The following PGM3 variants were observed in gnomAD, a reference collection of about 807,000 sequenced individuals.
The protein encoded by PGM3 is phosphoacetylglucosamine mutase.
Under a neutral mutation model 66.2 loss-of-function variants are expected in PGM3, and 40 were observed. The observed-to-expected ratio is 0.60, with a 90% CI of 0.47 to 0.79. The LOEUF (loss-of-function observed/expected upper bound fraction) is 0.79, where lower values mean the gene tolerates loss of function less well. Ranked by LOEUF, PGM3 falls within the 30% of genes least tolerant of loss-of-function variation. The probability of loss-of-function intolerance (pLI) is 0.00; values close to 1 mark genes in which losing one functional copy is unlikely to be tolerated. For missense variants in PGM3, 537 were observed against 643.4 expected (o/e 0.83, Z 1.79); for synonymous variants, 191 against 224.2 (o/e 0.85, Z 1.32).
chr6:83,163,028 T>C (rs1784602197), downstream of PGM3: 2 of 1,304,104 alleles, frequency 1.5e-6, no homozygotes, highest in Non-Finnish European at 2.1e-6. Context: ...AGTTGAGCTA[T>C]TTTGAAAACA....
In PGM3 at chr6:83,179,894, A is replaced by T; in HGVS notation, c.861T>A (p.His287Gln). Residue 287 changes from histidine (H) to glutamine (Q), a missense_variant, in exon 7 of 13, where the codon CAT (histidine) becomes CAA (glutamine). Transcript: ENST00000513973. The stretch of plus-strand genomic sequence containing the variant: ...TGAGATGAAAGTGGCCATCTGCATC[A>T]TGGTAGTAATAAACAATTCTGTCTG... ...GDADRIVYYY[H>Q]DADGHFHLID... 1 of 1,612,808 alleles carries T rather than the reference A, an allele frequency of 6.2e-7. No homozygotes were observed. Among genetic ancestry groups the T allele is most frequent in the Non-Finnish European group, 8.5e-7 (1 of 1,178,922 alleles).
the PGM3 span, among the ~76,000 whole-genome samples, chr6:83,149,796 G>A: frequency 2.0e-5 from 3 of 152,112 alleles, no homozygotes; most frequent in African/African-American, 7.2e-5. Context: ...CAGCAAAGGA[G>A]ATAGAAAGGG....
the PGM3 span, chr6:83,153,485 A>G: frequency 9.4e-6 from 14 of 1,487,196 alleles, no homozygotes; most frequent in African/African-American, 1.6e-4. Context: ...CTCATATGTT[A>G]CTCTTCATTT....
chr6:83,174,143 AC>A (rs1244208303), intron 10 of PGM3, among the ~76,000 whole-genome samples: 5 of 152,316 alleles, frequency 3.3e-5, no homozygotes, highest in African/African-American at 1.2e-4. Context: ...GGTAGAAGCT[AC>A]CCAATATACT....
rs1054487973 is a variant in PGM3, at chr6:83,166,872, CAG to C, written c.*2360_*2361del. The C allele has an allele frequency of 1.7e-5, 17 of 993,656 alleles. No homozygotes were observed. The highest frequency in any genetic ancestry group is 2.0e-5 in the Non-Finnish European group (17 of 835,696). 61.6% of individuals were successfully genotyped at this position (993,656 alleles called of 1,614,324 possible). A position where few individuals can be genotyped will look rare whatever the true frequency, so the allele number is the denominator to read the frequency against. ...AGGCAAACTCCATTTGTTAATATGA[CAG>C]ATTGTAATTCTGCTTCCTAAGTCTT... is the stretch of plus-strand genomic sequence containing the variant. On this transcript the variant is annotated 3_prime_UTR_variant, in exon 13 of 13. Transcript: ENST00000513973.
intron 4 of PGM3, among the ~76,000 whole-genome samples, chr6:83,185,470 A>G (rs1788508462): frequency 6.6e-6 from 1 of 152,196 alleles, no homozygotes; most frequent in Non-Finnish European, 1.5e-5. Flanking sequence ...TGATGAATTA[A>G]CAAATGAATG....
Position 83,175,957 on chromosome 6 carries a change from C to A in PGM3, c.1128+5G>T. The stretch of plus-strand genomic sequence containing the variant: ...CTAAGGCCAACTATAATTAAGAGAA[C>A]TTACAGTGCCATGCCCATTTGCTTC... On this transcript the variant is annotated splice_donor_5th_base_variant and intron_variant, in intron 9 of 12. Transcript: ENST00000513973. The A allele has an allele frequency of 6.4e-7, 1 of 1,555,912 alleles. No individual in the cohort carries two copies. Among genetic ancestry groups the A allele is most frequent in the Non-Finnish European group, 8.9e-7 (1 of 1,127,010 alleles).
chr6:83,150,158 T>G, the PGM3 span, among the ~76,000 whole-genome samples: 3 of 152,144 alleles, frequency 2.0e-5, no homozygotes, highest in Admixed American at 6.5e-5. Context: ...GAGGACTGCT[T>G]GAGCCCAGAG....
rs768463282 is a variant in PGM3 at position 83,174,390 on chromosome 6, A to G, written c.1226T>C (p.Ile409Thr). ...RKAAKMLENI[I>T]DLFNQAAGDA... ...AGTTCTGACCTGGTTAAACAAGTCA[A>G]TAATGTTTTCAAGCATCTTAGCAGC... The change falls in exon 10 of 13, where the codon ATT (isoleucine) becomes ACT (threonine). Residue 409 changes from isoleucine to threonine, a missense_variant. By Grantham distance (89) the Ile-to-Thr change is moderately conservative. Transcript: ENST00000513973. The G allele has an allele frequency of 6.3e-7, 1 of 1,583,706 alleles. No individual in the cohort carries two copies. Among genetic ancestry groups the G allele is most frequent in the Non-Finnish European group, 8.7e-7 (1 of 1,154,422 alleles).
chr6:83,152,177 A>C, the PGM3 span: 1 of 772,274 alleles, frequency 1.3e-6, no homozygotes, highest in South Asian at 2.2e-5. Flanking sequence ...ATATATATAT[A>C]CATATACATA....
intron 9 of PGM3, among the ~76,000 whole-genome samples, chr6:83,174,984 A>G (rs1787647023): frequency 6.6e-6 from 1 of 152,238 alleles, no homozygotes. Flanking sequence ...ATTACAATAT[A>G]TAATTCATCA....
Position 83,174,420 on chromosome 6 carries a change from CTT to C in PGM3, c.1194_1195del (p.Arg399LysfsTer4), listed in dbSNP as rs1301217103. Reference sequence around the variant, plus strand: ...GTTTTCAAGCATCTTAGCAGCTTTTCTTTTCTTATCTTCCAGTTGTTCTGCTG... The same window carrying C: ...GTTTTCAAGCATCTTAGCAGCTTTTCTTCTTATCTTCCAGTTGTTCTGCTG... On this transcript the variant is annotated frameshift_variant, in exon 10 of 13. Transcript: ENST00000513973. LOFTEE classifies it high-confidence loss of function. 1 of 1,609,212 alleles carries C rather than the reference CTT, an allele frequency of 6.2e-7. No homozygotes were observed. Among genetic ancestry groups the C allele is most frequent in the South Asian group, 1.1e-5 (1 of 90,476 alleles).
chr6:83,166,700 A>G lies in PGM3; in HGVS notation c.*2534T>C. On this transcript the variant is annotated 3_prime_UTR_variant, in exon 13 of 13. Transcript: ENST00000513973. The stretch of plus-strand genomic sequence containing the variant: ...CACCAACCTAATATTTTCCTTTTTC[A>G]GGATTTTACTTTAAAATAAGCAATA... 8.1e-7 allele frequency: 1 copy of G among 1,233,088 alleles called. No individual in the cohort carries two copies. Among genetic ancestry groups the G allele is most frequent in the Non-Finnish European group, 1.0e-6 (1 of 987,936 alleles). The allele number at this position is 1,233,088 out of a possible 1,614,324, so 76.4% of individuals were successfully genotyped here.
chr6:83,174,299 C>T (rs1787584673), intron 10 of PGM3, 75 bp downstream of exon 10: 2 of 765,698 alleles, frequency 2.6e-6, no homozygotes, highest in African/African-American at 1.8e-5. Context: ...ATTTTGTATG[C>T]ACCCACACTC....
At chr6:83,149,193 AGAG>A in the PGM3 span, among the ~76,000 whole-genome samples, 1 of 152,190 alleles carries the variant, frequency 6.6e-6, no homozygotes, top group Non-Finnish European at 1.5e-5. Flanking sequence ...GGAACTTCAC[AGAG>A]GAGGGACACT....
At chr6:83,164,154 T>TC (rs1304472296), downstream of PGM3, among the ~76,000 whole-genome samples, 2 of 149,256 alleles carry the variant, frequency 1.3e-5, no homozygotes, top group Non-Finnish European at 3.0e-5. Context: ...TCTGGAGTCC[T>TC]CCTAATCAGG....
chr6:83,192,660 C>A (rs1284259515), intron 1 of PGM3, among the ~76,000 whole-genome samples: 1 of 151,418 alleles, frequency 6.6e-6, no homozygotes, highest in Non-Finnish European at 1.5e-5. Flanking sequence ...CATGATTATT[C>A]ATAAGAGTGT....
the PGM3 span, among the ~76,000 whole-genome samples, chr6:83,149,644 G>A: frequency 1.3e-5 from 2 of 152,108 alleles, no homozygotes; most frequent in Admixed American, 6.6e-5. Context: ...TTTGAGGAGA[G>A]ACATGACTGG....
Position 83,167,152 on chromosome 6 carries a change from G to C in PGM3, c.*2082C>G. The stretch of plus-strand genomic sequence containing the variant: ...CATTTGACTTCTCTACTAAAAGGTA[G>C]TTTTAGACTGTCCCATTTTATAAGT... On this transcript the variant is annotated 3_prime_UTR_variant, in exon 13 of 13. Transcript: ENST00000513973. 1.1e-6 allele frequency: 1 copy of C among 904,672 alleles called. No homozygotes were observed. The highest frequency in any genetic ancestry group is 1.3e-6 in the Non-Finnish European group (1 of 756,228). The allele number at this position is 904,672 out of a possible 1,614,324, so 56.0% of individuals were successfully genotyped here.
Sources: allele counts gnomAD v4.1 joint callset (sites outside exome capture counted in the v4.1 genomes callset), GRCh38; gene constraint gnomAD v4.1.1; transcripts MANE v1.5; gene names NCBI Gene and HGNC (gene_info 2026-07-23, HGNC 2026-07-21).